Variants in SMTNL2 observed in about 807,000 individuals in gnomAD.
The protein encoded by SMTNL2 is smoothelin like 2.
SMTNL2 carries 43 observed loss-of-function variants against 44.1 expected under a neutral mutation model. The observed-to-expected ratio is 0.98, with a 90% CI of 0.76 to 1.26. The LOEUF is 1.26. SMTNL2 is among the 50% of genes most tolerant of loss of function. The pLI, the probability that SMTNL2 is intolerant of heterozygous loss-of-function variation, is 0.00. For synonymous variants in SMTNL2, 317 were observed against 287.6 expected, an observed-to-expected ratio of 1.10 and a Z score of -1.03; for missense variants, 646 against 670.2, an observed-to-expected ratio of 0.96 and a Z score of 0.40.
chr17:4,607,581 C>T lies in SMTNL2; in HGVS notation c.*94C>T, dbSNP rs138363621. On this transcript the variant is annotated 3_prime_UTR_variant, in exon 8 of 8. Transcript: ENST00000389313. This position sits in a 1 kb window ranked among gnomAD's most constrained non-coding sequence, Gnocchi z 4.7. ...GCCAGGATGCCCCCAGGAGCCTTGCCGTTTGGTGTGAGCGCGCTGTTTGTT... is the reference window on the plus strand; with the variant it reads ...GCCAGGATGCCCCCAGGAGCCTTGCTGTTTGGTGTGAGCGCGCTGTTTGTT... 1.1e-4 allele frequency: 176 copies of T among 1,544,504 alleles called. 1 individual carries two copies. The African/African-American group carries it at 1.6e-3, about 14-fold the overall frequency.
In SMTNL2 at chr17:4,597,191, TCTC is replaced by T. The variant is rs1262774069; in HGVS notation, c.1132_1134del (p.Ser379del). The T allele has an allele frequency of 3.7e-6, 6 of 1,613,614 alleles. No homozygotes were observed. The highest frequency in any genetic ancestry group is 5.1e-6 in the Non-Finnish European group (6 of 1,179,900). ...TTGCAGCACGTGGACCTGCAGAACT[TCTC>T]CTCCAGCTGGAGCGACGGCATGGCC... is the stretch of plus-strand genomic sequence containing the variant. On this transcript the variant is annotated inframe_deletion, in exon 7 of 8. Coordinates refer to ENST00000389313, the MANE Select transcript of SMTNL2 (RefSeq NM_001114974.2).
In SMTNL2 at chr17:4,607,769, A is replaced by G; in HGVS notation, c.*282A>G. 3.0e-6 allele frequency: 1 copy of G among 331,976 alleles called. No homozygotes were observed. The highest frequency in any genetic ancestry group is 7.8e-5 in the South Asian group (1 of 12,812). 20.6% of individuals were successfully genotyped at this position (331,976 alleles called of 1,614,324 possible). ...TGGTGCTAAGTAATGATCTTCCTAA[A>G]GAAATGCTTGTGTTTATAGCTTCCA... On this transcript the variant is annotated 3_prime_UTR_variant, in exon 8 of 8. Coordinates refer to ENST00000389313, the MANE Select transcript of SMTNL2 (RefSeq NM_001114974.2). This position sits in a 1 kb window ranked among gnomAD's most constrained non-coding sequence, Gnocchi z 4.7.
intron 1 of SMTNL2, 128 bp downstream of exon 1, chr17:4,585,132 T>A: frequency 8.9e-7 from 1 of 1,123,718 alleles, no homozygotes; most frequent in Non-Finnish European, 1.1e-6. Context: ...CCGCTCGGAC[T>A]AGGTGATGGG....
At chr17:4,593,957 G>A in intron 4 of SMTNL2, 60 bp downstream of exon 4, 3 of 1,589,600 alleles carry the variant, frequency 1.9e-6, no homozygotes, top group Non-Finnish European at 2.6e-6. Flanking sequence ...CTCTGCTTTG[G>A]ACGCAGGCCG....
Position 4,584,672 on chromosome 17 carries a change from G to C in SMTNL2, c.67G>C (p.Ala23Pro). ...CGAGGCGCTGGGCCGCTACGAGGCG[G>C]CGCTGGAGGGTGCGGTGCGCGCGCT... ...VREALGRYEA[A>P]LEGAVRALHE... Residue 23 changes from alanine to proline, a missense_variant, in exon 1 of 8, where the codon GCG becomes CCG. Ala to Pro is a conservative substitution (Grantham distance 27). Transcript: ENST00000389313. 1 of 1,284,686 alleles carries C rather than the reference G, an allele frequency of 7.8e-7. No homozygotes were observed. Among genetic ancestry groups the C allele is most frequent in the Non-Finnish European group, 9.8e-7 (1 of 1,020,006 alleles). The allele number at this position is 1,284,686 out of a possible 1,614,324, so 79.6% of individuals were successfully genotyped here. A position where few individuals can be genotyped will look rare whatever the true frequency, so the allele number is the denominator to read the frequency against.
rs1909753761 is a variant in SMTNL2 at position 4,595,175 on chromosome 17, C to CGTGT, written c.838_841dup (p.Ser281CysfsTer41). 6.2e-7 allele frequency: 1 copy of CGTGT among 1,613,156 alleles called. No individual in the cohort carries two copies. On this transcript the variant is annotated frameshift_variant, in exon 5 of 8. Transcript: ENST00000389313. LOFTEE classifies it high-confidence loss of function. This position sits in a 1 kb window ranked among gnomAD's most constrained non-coding sequence, Gnocchi z 5.1. Reference sequence around the variant, plus strand: ...CGCTGGTGACACCACCCCAGTCGCCCGTGTCCCCGCAGCCGCCAGCCATAA... The same window carrying CGTGT: ...CGCTGGTGACACCACCCCAGTCGCCCGTGTGTGTCCCCGCAGCCGCCAGCCATAA...
Position 4,595,085 on chromosome 17 carries a change from G to A in SMTNL2, c.807-60G>A, listed in dbSNP as rs1235547695. The stretch of plus-strand genomic sequence containing the variant: ...CACTCAGTGCAATGGAGACCTTGGG[G>A]CCTGGTGAGCTAGTGATGGCTGCTG... On this transcript the variant is annotated intron_variant, in intron 4 of 7. Coordinates refer to ENST00000389313, the MANE Select transcript of SMTNL2 (RefSeq NM_001114974.2). This position sits in a 1 kb window ranked among gnomAD's most constrained non-coding sequence, Gnocchi z 5.1. 9 of 1,608,520 alleles carry A rather than the reference G, an allele frequency of 5.6e-6. No individual in the cohort carries two copies. Among genetic ancestry groups the A allele is most frequent in the Non-Finnish European group, 6.8e-6 (8 of 1,176,866 alleles).
In SMTNL2 at chr17:4,600,560, C is replaced by T. The variant is rs1281051755; in HGVS notation, c.1259+3237C>T. On this transcript the variant is annotated intron_variant, in intron 7 of 7. Coordinates refer to ENST00000389313, the MANE Select transcript of SMTNL2 (RefSeq NM_001114974.2). This position sits in a 1 kb window ranked among gnomAD's most constrained non-coding sequence, Gnocchi z 4.7. ...TTGGAGTAAAAGTGGTGTGTGCTGC[C>T]CTTCCCCAACCCCCACCTGATAATT... is the stretch of plus-strand genomic sequence containing the variant. Among the ~76,000 whole-genome samples, 1 of 152,106 alleles carries T rather than the reference C, an allele frequency of 6.6e-6. No individual in the cohort carries two copies.
intron 7 of SMTNL2, among the ~76,000 whole-genome samples, chr17:4,601,873 T>G (rs907778001): frequency 6.6e-5 from 10 of 152,122 alleles, no homozygotes; most frequent in South Asian, 2.1e-4. Flanking sequence ...AGTTGTTGTT[T>G]TTTTTTTAAT....
chr17:4,599,419 A>G (rs567343400), intron 7 of SMTNL2, among the ~76,000 whole-genome samples: 1 of 152,262 alleles, frequency 6.6e-6, no homozygotes, highest in Admixed American at 6.5e-5. Flanking sequence ...CGTCAATCAG[A>G]CTGTCAGAGG....
chr17:4,606,184 C>A (rs928369492), intron 7 of SMTNL2, among the ~76,000 whole-genome samples: 1 of 152,030 alleles, frequency 6.6e-6, no homozygotes, highest in East Asian at 1.9e-4. Context: ...TGCAATCGCA[C>A]GATCTCGGCT....
chr17:4,590,259 G>A (rs771109226), intron 1 of SMTNL2, among the ~76,000 whole-genome samples: 10 of 152,028 alleles, frequency 6.6e-5, no homozygotes, highest in Non-Finnish European at 1.2e-4. Context: ...GAGCCACCGC[G>A]CCTGGCCCCG....
intron 1 of SMTNL2, among the ~76,000 whole-genome samples, chr17:4,589,457 G>A (rs1025616079): frequency 1.4e-4 from 22 of 152,134 alleles, no homozygotes; most frequent in African/African-American, 4.6e-4. Context: ...CGGCCGCAGC[G>A]TGGCTCTAGG....
At chr17:4,602,359 G>A (rs541899468) in intron 7 of SMTNL2, among the ~76,000 whole-genome samples, 35 of 93,996 alleles carry the variant, frequency 3.7e-4, no homozygotes, top group African/African-American at 1.4e-3. Context: ...TTTCGTTCTT[G>A]TTGCCCAGGC....
chr17:4,593,699 A>G, intron 3 of SMTNL2, 123 bp from the exon 4 acceptor site: 1 of 923,770 alleles, frequency 1.1e-6, no homozygotes, highest in East Asian at 2.6e-5. Flanking sequence ...TTAGCCCAGA[A>G]GGTTAGCTCA....
chr17:4,595,176 G>C lies in SMTNL2; in HGVS notation c.838G>C (p.Val280Leu), dbSNP rs150082496. The C allele has an allele frequency of 3.1e-6, 5 of 1,613,056 alleles. No individual in the cohort carries two copies. The African/African-American group carries it at 6.7e-5, about 22-fold the overall frequency. Residue 280 changes from valine (V) to leucine (L), a missense_variant, in exon 5 of 8, where the codon GTG (valine) becomes CTG (leucine). Physicochemically the swap from Val to Leu is conservative, Grantham distance 32 (BLOSUM62 1). Coordinates refer to ENST00000389313, the MANE Select transcript of SMTNL2 (RefSeq NM_001114974.2). The surrounding 1 kb of genome is among the most constrained non-coding windows in gnomAD (Gnocchi z 5.1). Reference sequence around the variant, plus strand: ...GCTGGTGACACCACCCCAGTCGCCCGTGTCCCCGCAGCCGCCAGCCATAAC... The same window carrying C: ...GCTGGTGACACCACCCCAGTCGCCCCTGTCCCCGCAGCCGCCAGCCATAAC... ...PPLVTPPQSP[V>L]SPQPPAITQV...
rs1909986833 is a variant in SMTNL2, at chr17:4,600,531, A to G, written c.1259+3208A>G. Among the ~76,000 whole-genome samples, 1 of 152,120 alleles carries G rather than the reference A, an allele frequency of 6.6e-6. No homozygotes were observed. Among genetic ancestry groups the G allele is most frequent in the South Asian group, 2.1e-4 (1 of 4,820 alleles). On this transcript the variant is annotated intron_variant, in intron 7 of 7. Transcript: ENST00000389313. The surrounding 1 kb of genome is among the most constrained non-coding windows in gnomAD (Gnocchi z 4.7). Reference sequence around the variant, plus strand: ...CACAAGGATCAAGGATGCACCAGGGACCTTTGGAGTAAAAGTGGTGTGTGC... The same window carrying G: ...CACAAGGATCAAGGATGCACCAGGGGCCTTTGGAGTAAAAGTGGTGTGTGC...
intron 4 of SMTNL2, among the ~76,000 whole-genome samples, chr17:4,594,658 C>T (rs60549416): frequency 0.021 from 3,154 of 151,740 alleles, 106 homozygotes; most frequent in African/African-American, 0.068. Context: ...GGCCTCCCCC[C>T]AGCCAGCCAG....
At position 4,595,378 on chromosome 17, in the gene SMTNL2, C is replaced by G; in HGVS notation, c.989+51C>G. 6 of 1,588,740 alleles carry G rather than the reference C, an allele frequency of 3.8e-6. No homozygotes were observed. Among genetic ancestry groups the G allele is most frequent in the Non-Finnish European group, 5.1e-6 (6 of 1,166,124 alleles). The stretch of plus-strand genomic sequence containing the variant: ...CCCGGCCCCACGGTGTGCCCAGACC[C>G]AGACGGGGCTTGGGTGGGTGCAGCA... On this transcript the variant is annotated intron_variant, in intron 5 of 7. Transcript: ENST00000389313. The surrounding 1 kb of genome is among the most constrained non-coding windows in gnomAD (Gnocchi z 5.1).
Sources: gnomAD v4.1 joint callset for allele counts (sites outside exome capture counted in the v4.1 genomes callset) on GRCh38, gnomAD v4.1.1 for gene constraint, Gnocchi (gnomAD v3.1) non-coding constraint, MANE v1.5 for transcripts, NCBI Gene and HGNC (gene_info 2026-07-23, HGNC 2026-07-21) for gene names.